The following STPG2 variants were observed in gnomAD, a reference collection of about 807,000 sequenced individuals.
STPG2 encodes sperm-tail PG-rich repeat-containing protein 2.
In STPG2, 56 loss-of-function variants were observed where a neutral mutation model predicts 54.2. The observed-to-expected ratio is 1.03, with a 90% CI of 0.83 to 1.29. STPG2 has a LOEUF of 1.29. Ranked by LOEUF, STPG2 falls within the 50% of genes most tolerant of loss-of-function variation. The probability of loss-of-function intolerance (pLI) is 0.00; values close to 1 mark genes in which losing one functional copy is unlikely to be tolerated. For synonymous variants in STPG2, 200 were observed against 181.8 expected (o/e 1.10, Z -0.81); for missense variants, 596 against 544.9 (o/e 1.09, Z -0.93).
intron 8 of STPG2, among the ~76,000 whole-genome samples, chr4:97,885,318 A>T (rs1045219100): frequency 1.3e-5 from 2 of 152,202 alleles, no homozygotes; most frequent in African/African-American, 4.8e-5. Flanking sequence ...ATAGTATGTG[A>T]AAAGATCTCT....
chr4:97,858,002 T>C (rs1292220744), intron 8 of STPG2, among the ~76,000 whole-genome samples: 1 of 151,956 alleles, frequency 6.6e-6, no homozygotes, highest in Non-Finnish European at 1.5e-5. Flanking sequence ...AGTTGGATGA[T>C]ATAAAAAAAT....
intron 7 of STPG2, among the ~76,000 whole-genome samples, chr4:97,947,394 A>T (rs576823320): frequency 1.3e-5 from 2 of 151,912 alleles, no homozygotes; most frequent in Non-Finnish European, 2.9e-5. Flanking sequence ...AATGCACTGT[A>T]TTTCCTTCTG....
At chr4:97,778,100 C>T (rs1396640768) in intron 9 of STPG2, among the ~76,000 whole-genome samples, 8 of 152,068 alleles carry the variant, frequency 5.3e-5, no homozygotes, top group Non-Finnish European at 1.5e-5. Context: ...GAGCATAAGC[C>T]AAAGCAGGGT....
intron 9 of STPG2, among the ~76,000 whole-genome samples, chr4:97,747,183 A>G (rs1481852108): frequency 1.3e-5 from 2 of 151,374 alleles, no homozygotes; most frequent in African/African-American, 2.4e-5. Flanking sequence ...GACATTGGAA[A>G]TAAGTATCAT....
At chr4:97,680,168 T>G (rs1004611648) in intron 10 of STPG2, among the ~76,000 whole-genome samples, 141 of 151,390 alleles carry the variant, frequency 9.3e-4, no homozygotes, top group African/African-American at 3.3e-3. Flanking sequence ...GTGAAGAAAG[T>G]CATTGGTAGC....
chr4:97,649,223 T>C (rs1721996464), intron 10 of STPG2, among the ~76,000 whole-genome samples: 1 of 152,134 alleles, frequency 6.6e-6, no homozygotes, highest in Admixed American at 6.5e-5. Context: ...TTTCTATAAG[T>C]CAGGTAATTA....
At chr4:97,995,483 T>C (rs1415674620) in intron 5 of STPG2, among the ~76,000 whole-genome samples, 1 of 151,800 alleles carries the variant, frequency 6.6e-6, no homozygotes, top group Non-Finnish European at 1.5e-5. Flanking sequence ...CCTTTTGGGT[T>C]GTCTTTTTTA....
At chr4:98,128,027 C>G (rs1451053563) in intron 3 of STPG2, among the ~76,000 whole-genome samples, 4 of 152,112 alleles carry the variant, frequency 2.6e-5, no homozygotes, top group African/African-American at 9.7e-5. Flanking sequence ...CTATATTTCC[C>G]ATTCTCCCTG....
intron 5 of STPG2, among the ~76,000 whole-genome samples, chr4:98,063,443 A>G (rs2015828): frequency 0.39 from 58,478 of 151,610 alleles, 11,477 homozygotes; most frequent in Middle Eastern, 0.46. Flanking sequence ...GCAAGACACC[A>G]TCCCAAAAAA....
intron 5 of STPG2, among the ~76,000 whole-genome samples, chr4:98,101,395 A>G (rs700739): frequency 0.46 from 69,171 of 151,968 alleles, 16,075 homozygotes; most frequent in Admixed American, 0.56. Flanking sequence ...AAAAGATTTA[A>G]ACATAATAAT....
chr4:97,488,601 G>A (rs1405259584), intron 4 of STPG2, among the ~76,000 whole-genome samples: 1 of 151,586 alleles, frequency 6.6e-6, no homozygotes, highest in East Asian at 1.9e-4. Context: ...GAGAGGAGTG[G>A]GTAAGTAGGC....
At chr4:97,546,879 A>G (rs964159703) in intron 4 of STPG2, among the ~76,000 whole-genome samples, 1 of 152,210 alleles carries the variant, frequency 6.6e-6, no homozygotes, top group Admixed American at 6.5e-5. Context: ...TGGCAGTCAT[A>G]CTACAATGTG....
At chr4:98,102,618 A>T (rs34890015) in intron 5 of STPG2, among the ~76,000 whole-genome samples, 59,940 of 151,534 alleles carry the variant, frequency 0.4, 12,092 homozygotes, top group Middle Eastern at 0.46. Flanking sequence ...TTATCAGTTC[A>T]ATGCATTTCT....
intron 4 of STPG2, among the ~76,000 whole-genome samples, chr4:97,502,460 G>A (rs1338247286): frequency 6.6e-6 from 1 of 151,986 alleles, no homozygotes; most frequent in Admixed American, 6.6e-5. Flanking sequence ...TATCCAAAAT[G>A]TTGACTTCCG....
intron 8 of STPG2, among the ~76,000 whole-genome samples, chr4:97,897,728 T>G (rs938235095): frequency 6.6e-6 from 1 of 152,144 alleles, no homozygotes; most frequent in Non-Finnish European, 1.5e-5. Context: ...TGTGTTCACA[T>G]CCTTTGTCTA....
chr4:98,126,665 A>T (rs1739840783), intron 3 of STPG2, among the ~76,000 whole-genome samples: 1 of 152,234 alleles, frequency 6.6e-6, no homozygotes, highest in Non-Finnish European at 1.5e-5. Flanking sequence ...AGTGAGAGCC[A>T]CAGACCACAG....
At chr4:97,564,711 A>G (rs1156502142) in intron 10 of STPG2, among the ~76,000 whole-genome samples, 1 of 152,176 alleles carries the variant, frequency 6.6e-6, no homozygotes, top group Non-Finnish European at 1.5e-5. Context: ...TTGGCTTGAT[A>G]TGAAATTCTG....
chr4:97,729,300 T>C (rs1479447107), intron 9 of STPG2, among the ~76,000 whole-genome samples: 1 of 152,126 alleles, frequency 6.6e-6, no homozygotes, highest in Non-Finnish European at 1.5e-5. Flanking sequence ...GAGAATAGAA[T>C]GTACTTGGTT....
intron 5 of STPG2, among the ~76,000 whole-genome samples, chr4:98,102,907 A>G (rs1204898404): frequency 6.7e-6 from 1 of 148,956 alleles, no homozygotes; most frequent in African/African-American, 2.4e-5. Flanking sequence ...TATAATATAT[A>G]ACAAATAATT....
Sources: gnomAD v4.1 joint callset for allele counts (sites outside exome capture counted in the v4.1 genomes callset) on GRCh38, gnomAD v4.1.1 for gene constraint, MANE v1.5 for transcripts, NCBI Gene and HGNC (gene_info 2026-07-23, HGNC 2026-07-21) for gene names.